MYO7A: variants seen among roughly 807,000 people sequenced by gnomAD.
The protein encoded by MYO7A is unconventional myosin-VIIa.
MYO7A carries 210 observed loss-of-function variants against 263.8 expected under a neutral mutation model. That is an observed-to-expected ratio of 0.80 (90% CI 0.71 to 0.89). The LOEUF (loss-of-function observed/expected upper bound fraction) is 0.89. Among genes scored for constraint, MYO7A ranks in the 40% least tolerant of loss-of-function variants. The pLI, the probability that MYO7A is intolerant of heterozygous loss-of-function variation, is 0.00. For synonymous variants in MYO7A, 1,239 were observed against 1,197.3 expected (o/e 1.03, Z -0.72); for missense variants, 2,820 against 2,968.3 (o/e 0.95, Z 1.16).
chr11:77,189,265 A>G, intron 27 of MYO7A, 79 bp from the exon 28 acceptor site: 23 of 1,583,146 alleles, frequency 1.5e-5, no homozygotes, highest in Non-Finnish European at 2.0e-5. Context: ...GTGGCGTCCC[A>G]CTGGCTGCTA....
At chr11:77,189,883 G>T in intron 28 of MYO7A, 137 bp from the exon 29 acceptor site, 2 of 1,358,364 alleles carry the variant, frequency 1.5e-6, no homozygotes, top group Non-Finnish European at 9.7e-7. Flanking sequence ...AGATGGTGGA[G>T]CTGAGAGGGT....
intron 4 of MYO7A, among the ~76,000 whole-genome samples, chr11:77,154,434 G>A (rs1361836160): frequency 1.3e-5 from 2 of 152,328 alleles, no homozygotes; most frequent in Admixed American, 1.3e-4. Context: ...GGCCATGTGG[G>A]TGTCATTCGT....
At chr11:77,212,089 T>A (rs944402897) in intron 46 of MYO7A, 152 bp downstream of exon 46, 4 of 726,192 alleles carry the variant, frequency 5.5e-6, no homozygotes, top group Non-Finnish European at 9.8e-6. Context: ...TTGTCCCAGC[T>A]TAGCGTCTTA....
At chr11:77,160,337 C>G in intron 11 of MYO7A, 55 bp downstream of exon 11, 1 of 1,526,882 alleles carries the variant, frequency 6.5e-7, no homozygotes. Context: ...AAGTTGGGCT[C>G]TTGATGGGCA....
intron 27 of MYO7A, 151 bp downstream of exon 27, chr11:77,184,866 T>C (rs1481563783): frequency 1.5e-6 from 2 of 1,298,640 alleles, no homozygotes; most frequent in Non-Finnish European, 2.2e-6. Context: ...GGTGGAGTTA[T>C]TTCATCTTTC....
intron 2 of MYO7A, among the ~76,000 whole-genome samples, chr11:77,136,091 T>TCTCTCAGC (rs1555047274): frequency 6.6e-6 from 1 of 152,216 alleles, no homozygotes; most frequent in Non-Finnish European, 1.5e-5. Flanking sequence ...AGTGACAAAC[T>TCTCTCAGC]CTCTCAGCTT....
chr11:77,201,590 C>T lies in MYO7A; in HGVS notation c.4995C>T (p.Asp1665=). The change falls in exon 36 of 49, where the codon GAC becomes GAT. Residue 1665 remains aspartate (D), a synonymous_variant. Transcript: ENST00000409709. ...AGCAGCGTGGGGACTTCCCCACCGACAGTGTGTACGTCATGCCCACTGTCA... is the reference window on the plus strand; with the variant it reads ...AGCAGCGTGGGGACTTCCCCACCGATAGTGTGTACGTCATGCCCACTGTCA... The part of the protein sequence containing the change: ...RTKQRGDFPT[D]SVYVMPTVTM... 1 of 1,613,926 alleles carries T rather than the reference C, an allele frequency of 6.2e-7. No individual in the cohort carries two copies. Among genetic ancestry groups the T allele is most frequent in the Non-Finnish European group, 8.5e-7 (1 of 1,179,872 alleles).
chr11:77,201,986 G>A (rs1957093683), intron 36 of MYO7A, among the ~76,000 whole-genome samples: 1 of 152,122 alleles, frequency 6.6e-6, no homozygotes, highest in Non-Finnish European at 1.5e-5. Flanking sequence ...TCACAGCCCA[G>A]CTTCCCTAGT....
Position 77,194,536 on chromosome 11 carries a change from G to A in MYO7A, c.4323+12G>A, listed in dbSNP as rs115708951. 3.8e-4 allele frequency: 602 copies of A among 1,583,292 alleles called. 3 individuals carry two copies. In the African/African-American group the frequency reaches 6.9e-3, roughly 18 times the overall value. On this transcript the variant is annotated intron_variant, in intron 32 of 48. Transcript: ENST00000409709. ...CCGCCCACAAGAAGGTAGAAGGGCT[G>A]AGAGGAGTCCTAGAGAAGGGATGTG...
chr11:77,158,295 G>A lies in MYO7A; in HGVS notation c.868G>A (p.Glu290Lys). The A allele has an allele frequency of 6.2e-7, 1 of 1,608,414 alleles. No homozygotes were observed. Among genetic ancestry groups the A allele is most frequent in the Non-Finnish European group, 8.5e-7 (1 of 1,176,256 alleles). Residue 290 changes from glutamate to lysine, a missense_variant, in exon 9 of 49, where the codon GAG becomes AAG. By Grantham distance (56) the Glu-to-Lys change is moderately conservative (BLOSUM62 1). Coordinates refer to ENST00000409709, the MANE Select transcript of MYO7A (RefSeq NM_000260.4). ...CCACCAGGGTAACTGCATAACCTGT[G>A]AGGGCCGGGTGGACAGCCAGGAGTA... is the stretch of plus-strand genomic sequence containing the variant. ...YLAMGNCITC[E>K]GRVDSQEYAN...
At chr11:77,135,199 A>G (rs1950875419) in intron 2 of MYO7A, among the ~76,000 whole-genome samples, 2 of 152,294 alleles carry the variant, frequency 1.3e-5, no homozygotes, top group South Asian at 2.1e-4. Context: ...TAAAGATTCT[A>G]TCCATTAAAC....
chr11:77,177,031 G>A (rs1351722873), intron 18 of MYO7A, among the ~76,000 whole-genome samples: 9 of 152,332 alleles, frequency 5.9e-5, no homozygotes, highest in Middle Eastern at 3.4e-3. Flanking sequence ...CAGGCTCGAC[G>A]TGGGGAACCA....
At chr11:77,139,876 G>C (rs553067061) in intron 2 of MYO7A, among the ~76,000 whole-genome samples, 1 of 152,076 alleles carries the variant, frequency 6.6e-6, no homozygotes, top group Non-Finnish European at 1.5e-5. Flanking sequence ...CCTGCCTTGC[G>C]ATGCTTCAAG....
chr11:77,147,715 C>T (rs1312598891), intron 3 of MYO7A, 83 bp from the exon 4 acceptor site: 51 of 1,552,176 alleles, frequency 3.3e-5, no homozygotes, highest in Non-Finnish European at 4.3e-5. Flanking sequence ...ACTCACCCCG[C>T]GCTCCCGCCC....
chr11:77,203,031 C>T (rs770266709), intron 37 of MYO7A, 29 bp from the exon 38 acceptor site: 6 of 1,543,922 alleles, frequency 3.9e-6, no homozygotes, highest in East Asian at 4.9e-5. Context: ...AGCGATGGGG[C>T]GTTGCTGACG....
At position 77,172,902 on chromosome 11, in the gene MYO7A, T is replaced by C. The variant is rs1555077371; in HGVS notation, c.1935+17T>C. 1 of 1,541,326 alleles carries C rather than the reference T, an allele frequency of 6.5e-7. No homozygotes were observed. The highest frequency in any genetic ancestry group is 2.5e-5 in the East Asian group (1 of 40,582). On this transcript the variant is annotated intron_variant, in intron 16 of 48. Coordinates refer to ENST00000409709, the MANE Select transcript of MYO7A (RefSeq NM_000260.4). ...AAGCCCATGGTGAGTGGCCCTGGCC[T>C]GGGGTTGGCGGGTGGCGGCTAGGGT... is the stretch of plus-strand genomic sequence containing the variant.
rs1565441640 is a variant in MYO7A, at chr11:77,192,887, AGGTAGTGATGGTGTTGGTGATGGTGGAG to A, written c.4152+626_4152+653del. 9.9e-4 allele frequency among the ~76,000 whole-genome samples: 117 copies of A among 118,332 alleles called. 5 individuals are homozygous for A. The highest frequency in any genetic ancestry group is 3.0e-3 in the African/African-American group (90 of 29,562). 77.6% of individuals were successfully genotyped at this position (118,332 alleles called of 152,430 possible). A position where few individuals can be genotyped will look rare whatever the true frequency, so the allele number is the denominator to read the frequency against. ...ATGATGATGGTGGTGATGGTGGAGG[AGGTAGTGATGGTGTTGGTGATGGTGGAG>A]GGTAGTGATGGTGTTGTTTGTGATG... On this transcript the variant is annotated intron_variant, in intron 31 of 48. Transcript: ENST00000409709.
In MYO7A at chr11:77,198,638, G is replaced by A. The variant is rs1956851333; in HGVS notation, c.4568+17G>A. On this transcript the variant is annotated intron_variant, in intron 34 of 48. Coordinates refer to ENST00000409709, the MANE Select transcript of MYO7A (RefSeq NM_000260.4). ...CAGCAGCAGGTGAGGAGGCCCGCAT[G>A]GAGATGCAGACAGACAGAGGGGAAG... 1 of 1,613,180 alleles carries A rather than the reference G, an allele frequency of 6.2e-7. No homozygotes were observed. The highest frequency in any genetic ancestry group is 8.5e-7 in the Non-Finnish European group (1 of 1,179,692).
chr11:77,154,315 C>T (rs909845526), intron 4 of MYO7A, among the ~76,000 whole-genome samples: 4 of 152,142 alleles, frequency 2.6e-5, no homozygotes, highest in Non-Finnish European at 4.4e-5. Context: ...TAGCCGGTTC[C>T]CATGGCTGGG....
Sources: gnomAD v4.1 joint callset for allele counts (sites outside exome capture counted in the v4.1 genomes callset) on GRCh38, gnomAD v4.1.1 for gene constraint, MANE v1.5 for transcripts, NCBI Gene and HGNC (gene_info 2026-07-23, HGNC 2026-07-21) for gene names.